The following CDH2 variants were observed in gnomAD, a reference collection of about 807,000 sequenced individuals.
CDH2 encodes cadherin 2.
A neutral mutation model predicts 92.0 loss-of-function variants in CDH2; 17 were observed. The ratio of observed to expected loss-of-function variants is 0.18; its 90% CI spans 0.13 to 0.28. CDH2 has a LOEUF of 0.28. Among genes scored for constraint, CDH2 ranks in the 10% least tolerant of loss-of-function variants. CDH2 has a pLI of 1.00. For missense variants in CDH2, 862 were observed against 1,133.1 expected (o/e 0.76, Z 3.44); for synonymous variants, 419 against 415.9 (o/e 1.01, Z -0.09).
chr18:28,167,502 C>T (rs1167284089), intron 1 of CDH2, among the ~76,000 whole-genome samples: 2 of 152,044 alleles, frequency 1.3e-5, no homozygotes, highest in Admixed American at 6.6e-5. Flanking sequence ...AAGAAAGATT[C>T]TGCGTACTGA....
chr18:27,973,416 A>G (rs1404216773), intron 14 of CDH2, among the ~76,000 whole-genome samples: 2 of 152,174 alleles, frequency 1.3e-5, no homozygotes, highest in African/African-American at 4.8e-5. Context: ...GTATCACAGA[A>G]AGTACTAGAA....
intron 2 of CDH2, among the ~76,000 whole-genome samples, chr18:28,094,792 T>TAAAA (rs35744873): frequency 0.018 from 1,517 of 82,272 alleles, 50 homozygotes; most frequent in South Asian, 0.022. Flanking sequence ...AGACTCTGTC[T>TAAAA]AAAAAAAAAA....
chr18:28,138,648 T>C (rs1327980582), intron 2 of CDH2, among the ~76,000 whole-genome samples: 2 of 152,110 alleles, frequency 1.3e-5, no homozygotes, highest in African/African-American at 2.4e-5. Context: ...CATAAGTTCC[T>C]ACTACAGGGA....
intron 2 of CDH2, among the ~76,000 whole-genome samples, chr18:28,143,487 G>A (rs1598504899): frequency 6.6e-6 from 1 of 151,846 alleles, no homozygotes; most frequent in East Asian, 1.9e-4. Context: ...AAACAGGTGT[G>A]TACAAAATAC....
chr18:28,011,590 G>C (rs1419181473), intron 4 of CDH2, among the ~76,000 whole-genome samples: 7 of 152,174 alleles, frequency 4.6e-5, no homozygotes, highest in Non-Finnish European at 8.8e-5. Flanking sequence ...TAGGGCTTGT[G>C]TAGTCACAAA....
intron 2 of CDH2, among the ~76,000 whole-genome samples, chr18:28,089,407 TA>T (rs750486347): frequency 2.2e-4 from 33 of 152,226 alleles, no homozygotes; most frequent in Non-Finnish European, 3.8e-4. Context: ...ATTATAATTA[TA>T]AAATCTTCAC....
At chr18:27,947,455 T>C (rs187189824), downstream of CDH2, among the ~76,000 whole-genome samples, 254 of 151,928 alleles carry the variant, frequency 1.7e-3, 6 homozygotes, top group South Asian at 0.019. Context: ...AAATTTGTTA[T>C]GGAACTTCAC....
intron 1 of CDH2, among the ~76,000 whole-genome samples, chr18:28,176,263 C>A (rs2016539353): frequency 6.6e-6 from 1 of 152,194 alleles, no homozygotes; most frequent in South Asian, 2.1e-4. Flanking sequence ...GAACTTCTCG[C>A]CCGGGGGAGA....
chr18:27,980,245 G>A (rs552993133), intron 14 of CDH2, among the ~76,000 whole-genome samples: 7 of 152,254 alleles, frequency 4.6e-5, no homozygotes, highest in South Asian at 2.1e-4. Context: ...CACCACTGAC[G>A]CTTTCTCATG....
intron 7 of CDH2, among the ~76,000 whole-genome samples, chr18:27,995,015 GT>G (rs2012535570): frequency 6.6e-6 from 1 of 152,044 alleles, no homozygotes; most frequent in Admixed American, 6.6e-5. Flanking sequence ...TCACTATAAT[GT>G]TAACATAGGC....
intron 1 of CDH2, 39 bp downstream of exon 1, chr18:28,176,924 A>AC: frequency 1.2e-6 from 1 of 829,000 alleles, no homozygotes; most frequent in Non-Finnish European, 1.6e-6. Flanking sequence ...CGCCCGCCCC[A>AC]CCCCGCCCGT....
intron 2 of CDH2, among the ~76,000 whole-genome samples, chr18:28,090,346 T>C (rs1353360215): frequency 1.3e-5 from 2 of 152,192 alleles, no homozygotes; most frequent in Admixed American, 1.3e-4. Flanking sequence ...TGGATTTGTG[T>C]ATTGGACAAT....
At chr18:28,116,837 T>A (rs545966415) in intron 2 of CDH2, among the ~76,000 whole-genome samples, 1 of 152,266 alleles carries the variant, frequency 6.6e-6, no homozygotes, top group African/African-American at 2.4e-5. Flanking sequence ...AACACTGGCA[T>A]ACTCTAAAGG....
chr18:28,166,917 C>T (rs1386282374), intron 1 of CDH2, among the ~76,000 whole-genome samples: 1 of 152,030 alleles, frequency 6.6e-6, no homozygotes, highest in African/African-American at 2.4e-5. Context: ...CTGCATCCCT[C>T]CTGGCAGACT....
intron 2 of CDH2, among the ~76,000 whole-genome samples, chr18:28,112,457 A>C (rs2144256198): frequency 6.6e-6 from 1 of 152,352 alleles, no homozygotes; most frequent in African/African-American, 2.4e-5. Context: ...ATTCCTTTGA[A>C]GGAGGCACCG....
chr18:27,949,851 A>G (rs1598980246), downstream of CDH2, among the ~76,000 whole-genome samples: 1 of 152,056 alleles, frequency 6.6e-6, no homozygotes, highest in Middle Eastern at 3.4e-3. Context: ...GTGTATATAT[A>G]TAAAACCTTA....
At chr18:28,130,299 T>C (rs2015745144) in intron 2 of CDH2, among the ~76,000 whole-genome samples, 1 of 152,038 alleles carries the variant, frequency 6.6e-6, no homozygotes, top group African/African-American at 2.4e-5. Flanking sequence ...GGCTAAGTAC[T>C]CCCTCCACCC....
chr18:27,990,994 A>T (rs2012397263), intron 9 of CDH2, among the ~76,000 whole-genome samples: 1 of 152,190 alleles, frequency 6.6e-6, no homozygotes, highest in African/African-American at 2.4e-5. Flanking sequence ...GTCTTCTGGA[A>T]TATTTCTGGA....
chr18:28,006,669 G>A (rs1209780877), intron 5 of CDH2, among the ~76,000 whole-genome samples: 2 of 143,450 alleles, frequency 1.4e-5, no homozygotes, highest in African/African-American at 5.2e-5. Context: ...AGTGAGCCGA[G>A]ATTGTGCCAG....
Sources: gnomAD v4.1 joint callset for allele counts (sites outside exome capture counted in the v4.1 genomes callset) on GRCh38, gnomAD v4.1.1 for gene constraint, MANE v1.5 for transcripts, NCBI Gene and HGNC (gene_info 2026-07-23, HGNC 2026-07-21) for gene names.